The following GPX1 variants were observed in gnomAD, a reference collection of about 807,000 sequenced individuals.
GPX1 encodes the protein GSHPx-1.
In GPX1, 8 loss-of-function variants were observed where a neutral mutation model predicts 11.5. The ratio of observed to expected loss-of-function variants is 0.70; its 90% confidence interval spans 0.41 to 1.25. The LOEUF (loss-of-function observed/expected upper bound fraction) is 1.25. GPX1 is among the 50% of genes most tolerant of loss of function. The pLI is 0.01. For missense variants in GPX1, 266 were observed against 284.3 expected (o/e 0.94, Z 0.46); for synonymous variants, 142 against 127.8 (o/e 1.11, Z -0.75).
rs750867543 is a variant in GPX1, at chr3:49,357,344, C to T, written c.*44G>A. Reference sequence around the variant, plus strand: ...CTCATAGATGAAAACCCCCCCGAGACAGCAGCACTGCAACTGCCAAGCAGC... The same window carrying T: ...CTCATAGATGAAAACCCCCCCGAGATAGCAGCACTGCAACTGCCAAGCAGC... On this transcript the variant is annotated 3_prime_UTR_variant, in exon 2 of 2. Transcript: ENST00000419783. 2 of 1,571,424 alleles carry T rather than the reference C, an allele frequency of 1.3e-6. No homozygotes were observed. The highest frequency in any genetic ancestry group is 3.5e-5 in the Admixed American group (2 of 56,586).
Position 49,358,116 on chromosome 3 carries a change from C to A in GPX1, c.163G>T (p.Asp55Tyr), listed in dbSNP as rs904920934. Residue 55 changes from aspartate to tyrosine, a missense_variant, in exon 1 of 2, where the codon GAC (aspartate) becomes TAC (tyrosine). By Grantham distance (160) the Asp-to-Tyr change is radical. Coordinates refer to ENST00000419783, the MANE Select transcript of GPX1 (RefSeq NM_000581.4). Reference sequence around the variant, plus strand: ...TGCAGCTCGTTCATCTGGGTGTAGTCCCGGACCGTGGTGCCTCAGAGGGAC... The same window carrying A: ...TGCAGCTCGTTCATCTGGGTGTAGTACCGGACCGTGGTGCCTCAGAGGGAC... ...VASLUGTTVR[D>Y]YTQMNELQRR... 2 of 1,610,738 alleles carry A rather than the reference C, an allele frequency of 1.2e-6. No individual in the cohort carries two copies. Among genetic ancestry groups the A allele is most frequent in the Non-Finnish European group, 1.7e-6 (2 of 1,179,390 alleles).
chr3:49,357,978 G>T, intron 1 of GPX1, 49 bp downstream of exon 1: 1 of 1,557,782 alleles, frequency 6.4e-7, no homozygotes. Flanking sequence ...GGCGCCCCCA[G>T]CCACTACTGC....
chr3:49,357,526 G>A lies in GPX1; in HGVS notation c.474C>T (p.Asn158=), dbSNP rs1413628671. 4 of 1,613,578 alleles carry A rather than the reference G, an allele frequency of 2.5e-6. No individual in the cohort carries two copies. The highest frequency in any genetic ancestry group is 2.7e-5 in the African/African-American group (2 of 74,976). ...ACTTCTCAAAGTTCCAGGCAACATC[G>A]TTGCGACACACCGGAGACCAGGTGA... ...KLITWSPVCR[N]DVAWNFEKFL... is the part of the protein sequence containing the mutation. Residue 158 remains asparagine, a synonymous_variant, in exon 2 of 2, where the codon AAC becomes AAT. Transcript: ENST00000419783.
chr3:49,358,304 G>A lies in GPX1; in HGVS notation c.-26C>T, dbSNP rs1343043026. ...GGCGCAATTGTCCAAGAAGCCAGCGGAGCGCCCCGAACAAGCACTGTAAGG... is the reference window on the plus strand; with the variant it reads ...GGCGCAATTGTCCAAGAAGCCAGCGAAGCGCCCCGAACAAGCACTGTAAGG... On this transcript the variant is annotated 5_prime_UTR_variant, in exon 1 of 2. Transcript: ENST00000419783. 7 of 1,527,848 alleles carry A rather than the reference G, an allele frequency of 4.6e-6. No individual in the cohort carries two copies. Among genetic ancestry groups the A allele is most frequent in the African/African-American group, 1.4e-5 (1 of 72,394 alleles). The allele number at this position is 1,527,848 out of a possible 1,614,324, so 94.6% of individuals were successfully genotyped here.
Position 49,357,255 on chromosome 3 carries a change from C to G in GPX1, c.*133G>C, listed in dbSNP as rs1200145515. The G allele has an allele frequency of 5.8e-6, 5 of 863,500 alleles. No individual in the cohort carries two copies. The highest frequency in any genetic ancestry group is 1.7e-5 in the South Asian group (1 of 57,828). The allele number at this position is 863,500 out of a possible 1,614,324, so 53.5% of individuals were successfully genotyped here. ...GACTGGGATCAACAGGACCAGCACC[C>G]ATCTCGAGGTGGTATTTTCTGTAAG... On this transcript the variant is annotated 3_prime_UTR_variant, in exon 2 of 2. Transcript: ENST00000419783.
Position 49,357,590 on chromosome 3 carries a change from C to T in GPX1, c.410G>A (p.Ser137Asn). The change falls in exon 2 of 2, where the codon AGC becomes AAC. Residue 137 changes from serine (S) to asparagine (N), a missense_variant. Ser to Asn is a conservative substitution (Grantham distance 46, BLOSUM62 1). Coordinates refer to ENST00000419783, the MANE Select transcript of GPX1 (RefSeq NM_000581.4). ...GGTCATAAGCGCGGTGGCGTCGTCG[C>T]TGGGAGCTGGCAGGGCCTCCCGCAG... ...AFLREALPAP[S>N]DDATALMTDP... The T allele has an allele frequency of 1.2e-6, 2 of 1,613,216 alleles. No individual in the cohort carries two copies. The highest frequency in any genetic ancestry group is 1.7e-6 in the Non-Finnish European group (2 of 1,179,876).
rs982616064 is a variant in GPX1 at position 49,358,307 on chromosome 3, C to T, written c.-29G>A. The T allele has an allele frequency of 3.3e-6, 5 of 1,526,270 alleles. No homozygotes were observed. The highest frequency in any genetic ancestry group is 4.4e-6 in the Non-Finnish European group (5 of 1,133,812). The allele number at this position is 1,526,270 out of a possible 1,614,324, so 94.5% of individuals were successfully genotyped here. A position where few individuals can be genotyped will look rare whatever the true frequency, so the allele number is the denominator to read the frequency against. On this transcript the variant is annotated 5_prime_UTR_variant, in exon 1 of 2. Coordinates refer to ENST00000419783, the MANE Select transcript of GPX1 (RefSeq NM_000581.4). ...GCAATTGTCCAAGAAGCCAGCGGAG[C>T]GCCCCGAACAAGCACTGTAAGGGGA... is the stretch of plus-strand genomic sequence containing the variant.
Position 49,358,255 on chromosome 3 carries a change from C to T in GPX1, c.24G>A (p.Ala8=), listed in dbSNP as rs754217927. The change falls in exon 1 of 2, where the codon GCG becomes GCA. Residue 8 remains alanine (A), a synonymous_variant. Coordinates refer to ENST00000419783, the MANE Select transcript of GPX1 (RefSeq NM_000581.4). The part of the protein sequence containing the change: MCAARLA[A]AAAAAQSVYA... ...ACACCGACTGGGCCGCCGCCGCCGCCGCCGCTAGCCGAGCAGCACACATGG... is the reference window on the plus strand; with the variant it reads ...ACACCGACTGGGCCGCCGCCGCCGCTGCCGCTAGCCGAGCAGCACACATGG... 92 of 1,369,376 alleles carry T rather than the reference C, an allele frequency of 6.7e-5. No homozygotes were observed. In the South Asian group the frequency reaches 8.3e-4, roughly 12 times the overall value. The allele number at this position is 1,369,376 out of a possible 1,614,324, so 84.8% of individuals were successfully genotyped here.
chr3:49,357,895 G>A (rs1348879668), intron 1 of GPX1, 132 bp downstream of exon 1: 23 of 1,509,468 alleles, frequency 1.5e-5, no homozygotes, highest in Non-Finnish European at 2.0e-5. Context: ...GCAGCTACGA[G>A]CAACAGAAAG....
Sources: allele counts gnomAD v4.1 joint callset, GRCh38; gene constraint gnomAD v4.1.1; transcripts MANE v1.5; gene names NCBI Gene and HGNC (gene_info 2026-07-23, HGNC 2026-07-21).